DCAF10: variants seen among roughly 807,000 people sequenced by gnomAD.
DCAF10 encodes the protein DDB1- and CUL4-associated factor 10.
DCAF10 carries 19 observed loss-of-function variants against 51.9 expected under a neutral mutation model. The observed-to-expected ratio is 0.37, with a 90% CI of 0.26 to 0.54. The LOEUF (loss-of-function observed/expected upper bound fraction) is 0.54. Among genes scored for constraint, DCAF10 ranks in the 20% least tolerant of loss-of-function variants. DCAF10 has a pLI of 0.87. For synonymous variants in DCAF10, 291 were observed against 297.1 expected (o/e 0.98, Z 0.21); for missense variants, 510 against 730.6 (o/e 0.70, Z 3.48).
intron 2 of DCAF10, among the ~76,000 whole-genome samples, chr9:37,824,401 C>A (rs1421582397): frequency 2.6e-5 from 4 of 151,614 alleles, no homozygotes; most frequent in African/African-American, 4.8e-5. Context: ...ACTCTTCTAG[C>A]AAAATGTATA....
rs562771534 is a variant in DCAF10, at chr9:37,854,994, T to G, written c.1054+12T>G. 1.3e-6 allele frequency: 2 copies of G among 1,583,908 alleles called. No homozygotes were observed. The highest frequency in any genetic ancestry group is 2.2e-5 in the East Asian group (1 of 44,594). On this transcript the variant is annotated intron_variant, in intron 4 of 6. Transcript: ENST00000377724. The stretch of plus-strand genomic sequence containing the variant: ...TACTTCAAGTTCAGGTAAGCTTTTC[T>G]TTTTTGGTCAAAAAGATTTTTCTCG...
At chr9:37,842,619 A>T (rs1290270927) in intron 3 of DCAF10, among the ~76,000 whole-genome samples, 2 of 152,180 alleles carry the variant, frequency 1.3e-5, no homozygotes, top group African/African-American at 4.8e-5. Flanking sequence ...AATTCTACAT[A>T]TATTTATTTT....
intron 1 of DCAF10, among the ~76,000 whole-genome samples, chr9:37,806,048 C>CA (rs1432133525): frequency 6.6e-6 from 1 of 152,092 alleles, no homozygotes; most frequent in African/African-American, 2.4e-5. Context: ...TGTGCCACTG[C>CA]ACTCCAGCCT....
At position 37,843,138 on chromosome 9, in the gene DCAF10, C is replaced by T. The variant is rs543611615; in HGVS notation, c.851+852C>T. Among the ~76,000 whole-genome samples, 5 of 152,222 alleles carry T rather than the reference C, an allele frequency of 3.3e-5. No individual in the cohort carries two copies. The South Asian group carries it at 1.0e-3, about 32-fold the overall frequency. The stretch of plus-strand genomic sequence containing the variant: ...GCTTAAGTGATCCTCCTGCCTCAGA[C>T]TCCTGAGCAGCTAGGACTATAGGCA... On this transcript the variant is annotated intron_variant, in intron 3 of 6. Coordinates refer to ENST00000377724, the MANE Select transcript of DCAF10 (RefSeq NM_024345.5).
chr9:37,839,360 G>A (rs562008385), intron 2 of DCAF10, among the ~76,000 whole-genome samples: 3 of 152,086 alleles, frequency 2.0e-5, no homozygotes, highest in Admixed American at 6.5e-5. Flanking sequence ...GCGCCCAGCC[G>A]ATTTTTTTTC....
At chr9:37,854,240 T>C (rs1830779607) in intron 3 of DCAF10, among the ~76,000 whole-genome samples, 1 of 152,028 alleles carries the variant, frequency 6.6e-6, no homozygotes, top group South Asian at 2.1e-4. Context: ...GTTGGAACTA[T>C]GAGTGCACAC....
chr9:37,809,882 GGCTCAC>G, intron 1 of DCAF10, among the ~76,000 whole-genome samples: 1 of 151,504 alleles, frequency 6.6e-6, no homozygotes, highest in South Asian at 2.1e-4. Context: ...CGTGCGCGGT[GGCTCAC>G]GCCTGTAATC....
intron 3 of DCAF10, among the ~76,000 whole-genome samples, chr9:37,847,536 T>A (rs1223162418): frequency 2.6e-5 from 4 of 152,176 alleles, no homozygotes; most frequent in African/African-American, 4.8e-5. Context: ...TAAAAGGGAA[T>A]GTATTCAAAA....
chr9:37,814,123 TATATTTGTTG>T (rs1215023707), intron 1 of DCAF10, among the ~76,000 whole-genome samples: 1 of 86,474 alleles, frequency 1.2e-5, no homozygotes, highest in East Asian at 2.9e-4. Flanking sequence ...TATATATATA[TATATTTGTTG>T]TTGTTGTTGT....
intron 2 of DCAF10, among the ~76,000 whole-genome samples, chr9:37,834,644 A>G (rs374049298): frequency 1.5e-4 from 23 of 152,198 alleles, no homozygotes; most frequent in African/African-American, 5.3e-4. Context: ...CCATCTGTGC[A>G]TTAAGTATTT....
intron 2 of DCAF10, among the ~76,000 whole-genome samples, chr9:37,830,003 TTAAAGAA>T (rs1217838544): frequency 6.6e-6 from 1 of 152,002 alleles, no homozygotes; most frequent in Admixed American, 6.6e-5. Context: ...ACCCTGTCTC[TTAAAGAA>T]TAAAGAAGAA....
intron 2 of DCAF10, among the ~76,000 whole-genome samples, chr9:37,838,253 T>G (rs1191560107): frequency 6.6e-6 from 1 of 152,174 alleles, no homozygotes; most frequent in Non-Finnish European, 1.5e-5. Flanking sequence ...AGTTTCAACT[T>G]TACTAAACAT....
intron 1 of DCAF10, among the ~76,000 whole-genome samples, chr9:37,810,108 C>T (rs1481981814): frequency 2.0e-5 from 3 of 148,198 alleles, no homozygotes; most frequent in South Asian, 2.1e-4. Flanking sequence ...GCTGAGATTG[C>T]GCCACTGCAC....
At chr9:37,842,058 GA>G (rs1830351820) in intron 2 of DCAF10, 30 bp from the exon 3 acceptor site, 1 of 1,586,772 alleles carries the variant, frequency 6.3e-7, no homozygotes, top group Non-Finnish European at 8.6e-7. Context: ...GAGATTAAAT[GA>G]ACCAGGGTTT....
intron 5 of DCAF10, among the ~76,000 whole-genome samples, chr9:37,859,554 G>A (rs1191939000): frequency 6.6e-6 from 1 of 152,094 alleles, no homozygotes; most frequent in Non-Finnish European, 1.5e-5. Flanking sequence ...TGTTTATAGT[G>A]TTGTTATTGC....
intron 1 of DCAF10, among the ~76,000 whole-genome samples, chr9:37,808,587 ATATT>A (rs1431102953): frequency 3.6e-5 from 4 of 112,486 alleles, no homozygotes; most frequent in Non-Finnish European, 6.7e-5. Flanking sequence ...AATATAAAAT[ATATT>A]TATATAATAT....
intron 2 of DCAF10, among the ~76,000 whole-genome samples, chr9:37,840,444 G>C (rs1372340402): frequency 6.6e-6 from 1 of 151,958 alleles, no homozygotes; most frequent in East Asian, 1.9e-4. Context: ...GTAGAACTAG[G>C]CTAATGTGTG....
intron 3 of DCAF10, among the ~76,000 whole-genome samples, chr9:37,853,190 C>T (rs949091890): frequency 2.8e-5 from 4 of 141,100 alleles, no homozygotes; most frequent in African/African-American, 8.2e-5. Flanking sequence ...CAATAAAAAG[C>T]GAGAGCATTT....
intron 2 of DCAF10, among the ~76,000 whole-genome samples, chr9:37,822,304 G>A (rs1274755772): frequency 6.6e-6 from 1 of 151,584 alleles, no homozygotes; most frequent in South Asian, 2.1e-4. Context: ...ATTTGAAAAA[G>A]ATACTTGCAC....
Sources: allele counts gnomAD v4.1 joint callset (sites outside exome capture counted in the v4.1 genomes callset), GRCh38; gene constraint gnomAD v4.1.1; transcripts MANE v1.5; gene names NCBI Gene and HGNC (gene_info 2026-07-23, HGNC 2026-07-21).